Variants in ALPK1 observed in about 807,000 individuals in gnomAD.
ALPK1 encodes alpha-protein kinase 1.
A neutral mutation model predicts 120.6 loss-of-function variants in ALPK1; 110 were observed. The observed-to-expected ratio is 0.91, with a 90% CI of 0.78 to 1.07. ALPK1 has a LOEUF of 1.07. Among genes scored for constraint, ALPK1 ranks in the 50% least tolerant of loss-of-function variants. ALPK1 has a pLI of 0.00. For synonymous variants in ALPK1, 582 were observed against 560.3 expected (o/e 1.04, Z -0.55); for missense variants, 1,498 against 1,483.9 (o/e 1.01, Z -0.16).
At chr4:112,322,367 C>A (rs181339998) in intron 2 of ALPK1, among the ~76,000 whole-genome samples, 1 of 152,170 alleles carries the variant, frequency 6.6e-6, no homozygotes, top group South Asian at 2.1e-4. Context: ...AGGCATCTTA[C>A]CTTCTTTGAA....
chr4:112,427,734 G>A, intron 9 of ALPK1, 69 bp downstream of exon 9: 1 of 1,140,948 alleles, frequency 8.8e-7, no homozygotes, highest in Non-Finnish European at 1.3e-6. Context: ...GTTGGTTAGT[G>A]GCTGTCTTTC....
At chr4:112,371,101 T>C (rs1212697572) in intron 2 of ALPK1, among the ~76,000 whole-genome samples, 1 of 152,186 alleles carries the variant, frequency 6.6e-6, no homozygotes, top group East Asian at 1.9e-4. Flanking sequence ...ATATTGCATT[T>C]ATTCCCCAGA....
Position 112,431,931 on chromosome 4 carries a change from C to A in ALPK1, c.2384C>A (p.Thr795Asn). ...VDPEGETAES[T>N]EDAPLDFHRV... ...CCAGAAGGAGAAACAGCAGAAAGCACTGAAGATGCACCCTTAGACTTTCAC... is the reference window on the plus strand; with the variant it reads ...CCAGAAGGAGAAACAGCAGAAAGCAATGAAGATGCACCCTTAGACTTTCAC... Residue 795 changes from threonine to asparagine, a missense_variant, in exon 11 of 16, where the codon ACT becomes AAT. Transcript: ENST00000650871. 1 of 1,614,092 alleles carries A rather than the reference C, an allele frequency of 6.2e-7. No individual in the cohort carries two copies. Among genetic ancestry groups the A allele is most frequent in the Non-Finnish European group, 8.5e-7 (1 of 1,180,042 alleles).
At chr4:112,439,551 C>A in intron 13 of ALPK1, 135 bp from the exon 14 acceptor site, 1 of 623,222 alleles carries the variant, frequency 1.6e-6, no homozygotes, top group South Asian at 3.0e-5. Context: ...TATAATTATA[C>A]CTACTTTACC....
chr4:112,440,692 A>G (rs568684814), intron 14 of ALPK1, among the ~76,000 whole-genome samples: 2 of 152,324 alleles, frequency 1.3e-5, no homozygotes, highest in East Asian at 3.8e-4. Context: ...TTTGACAAAT[A>G]TAACTGCCCA....
intron 3 of ALPK1, among the ~76,000 whole-genome samples, chr4:112,381,973 C>G (rs1731930782): frequency 6.6e-6 from 1 of 152,104 alleles, no homozygotes; most frequent in Non-Finnish European, 1.5e-5. Flanking sequence ...CTTAGAGAAG[C>G]AAAAAGAGGT....
At chr4:112,330,632 C>T (rs1160418227) in intron 2 of ALPK1, among the ~76,000 whole-genome samples, 1 of 152,196 alleles carries the variant, frequency 6.6e-6, no homozygotes, top group Admixed American at 6.5e-5. Context: ...TTGGGTGAAA[C>T]AAGACCATAT....
Position 112,377,773 on chromosome 4 carries a change from T to A in ALPK1, c.-5T>A. 6.2e-7 allele frequency: 1 copy of A among 1,604,822 alleles called. No homozygotes were observed. Among genetic ancestry groups the A allele is most frequent in the Middle Eastern group, 1.7e-4 (1 of 6,036 alleles). ...CCCAGGGACACCCAATTCATCGTAA[T>A]CATCATGAATAATCAAAAAGTGGTA... On this transcript the variant is annotated 5_prime_UTR_variant, in exon 3 of 16. Coordinates refer to ENST00000650871, the MANE Select transcript of ALPK1 (RefSeq NM_025144.4).
Position 112,358,665 on chromosome 4 carries a change from C to T in ALPK1, c.-100-19013C>T, listed in dbSNP as rs534480225. The T allele has an allele frequency of 1.7e-4, 121 of 713,654 alleles. No homozygotes were observed. In the South Asian group the frequency reaches 1.8e-3, roughly 10 times the overall value. 44.2% of individuals were successfully genotyped at this position (713,654 alleles called of 1,614,324 possible). On this transcript the variant is annotated intron_variant, in intron 2 of 15. Coordinates refer to ENST00000650871, the MANE Select transcript of ALPK1 (RefSeq NM_025144.4). ...GGAGCAGGCCCACAGGTGCTCCACC[C>T]TGTCTCTCCCATCTAAGAGGCTGGC...
At chr4:112,412,557 T>G in intron 5 of ALPK1, 1 of 398,562 alleles carries the variant, frequency 2.5e-6, no homozygotes, top group Non-Finnish European at 5.0e-6. Flanking sequence ...TTGAATGAAA[T>G]GAAAAAGGAG....
At chr4:112,396,573 A>C (rs1406111419) in intron 4 of ALPK1, among the ~76,000 whole-genome samples, 1 of 152,170 alleles carries the variant, frequency 6.6e-6, no homozygotes, top group Non-Finnish European at 1.5e-5. Context: ...AGTGAAGCTT[A>C]ATTTCTTTCT....
intron 7 of ALPK1, 120 bp from the exon 8 acceptor site, chr4:112,426,347 C>T: frequency 3.0e-6 from 2 of 674,270 alleles, no homozygotes. Context: ...CCTAAGTTTT[C>T]CTAACAGAAT....
At chr4:112,308,725 T>C (rs1232457617) in intron 1 of ALPK1, among the ~76,000 whole-genome samples, 1 of 152,158 alleles carries the variant, frequency 6.6e-6, no homozygotes, top group Non-Finnish European at 1.5e-5. Flanking sequence ...AGTTTGATCG[T>C]CTGAAGCCTT....
chr4:112,313,731 GTAA>G (rs1728517302), intron 1 of ALPK1, among the ~76,000 whole-genome samples: 1 of 152,028 alleles, frequency 6.6e-6, no homozygotes. Context: ...CTCAAAAAAA[GTAA>G]TAATAAGAAG....
intron 2 of ALPK1, among the ~76,000 whole-genome samples, chr4:112,346,118 T>A (rs939849965): frequency 6.6e-6 from 1 of 152,166 alleles, no homozygotes; most frequent in African/African-American, 2.4e-5. Flanking sequence ...CCACCTGGGC[T>A]TCCCAAAGTG....
intron 2 of ALPK1, among the ~76,000 whole-genome samples, chr4:112,324,060 G>A (rs1045924862): frequency 6.6e-6 from 1 of 152,054 alleles, no homozygotes; most frequent in African/African-American, 2.4e-5. Context: ...AGGCGTGGTG[G>A]CTCATGCCTG....
At chr4:112,398,374 C>T (rs140909990) in intron 4 of ALPK1, among the ~76,000 whole-genome samples, 1 of 152,054 alleles carries the variant, frequency 6.6e-6, no homozygotes, top group Non-Finnish European at 1.5e-5. Flanking sequence ...CTCACTGTAA[C>T]CTCAAATTCC....
intron 1 of ALPK1, among the ~76,000 whole-genome samples, chr4:112,314,150 T>C (rs1728534890): frequency 6.6e-6 from 1 of 152,160 alleles, no homozygotes; most frequent in African/African-American, 2.4e-5. Context: ...CCCTCTCTGA[T>C]AGCAGAAGGG....
chr4:112,331,199 G>A (rs1729354435), intron 2 of ALPK1, among the ~76,000 whole-genome samples: 1 of 152,148 alleles, frequency 6.6e-6, no homozygotes, highest in Admixed American at 6.5e-5. Context: ...TGAACTCATC[G>A]AGGAACAATA....
Sources: allele counts gnomAD v4.1 joint callset (sites outside exome capture counted in the v4.1 genomes callset), GRCh38; gene constraint gnomAD v4.1.1; transcripts MANE v1.5; gene names NCBI Gene and HGNC (gene_info 2026-07-23, HGNC 2026-07-21).